Variants in SPTBN4 observed in about 807,000 individuals in gnomAD.
SPTBN4 encodes spectrin beta chain, non-erythrocytic 4.
SPTBN4 carries 96 observed loss-of-function variants against 277.8 expected under a neutral mutation model. That is an observed-to-expected ratio of 0.35 (90% confidence interval 0.29 to 0.41). The LOEUF (loss-of-function observed/expected upper bound fraction) is 0.41, where lower values mean the gene tolerates loss of function less well. Among genes scored for constraint, SPTBN4 ranks in the 10% least tolerant of loss-of-function variants. The pLI, the probability that SPTBN4 is intolerant of heterozygous loss-of-function variation, is 1.00. For missense variants in SPTBN4, 3,006 were observed against 3,595.7 expected (o/e 0.84, Z 4.19); for synonymous variants, 1,481 against 1,580.3 (o/e 0.94, Z 1.49).
intron 16 of SPTBN4, among the ~76,000 whole-genome samples, chr19:40,522,900 G>A (rs2080544947): frequency 6.6e-6 from 1 of 151,998 alleles, no homozygotes; most frequent in Non-Finnish European, 1.5e-5. Flanking sequence ...GGGAGTCCAA[G>A]GCAGGTGGAT....
intron 30 of SPTBN4, among the ~76,000 whole-genome samples, chr19:40,567,386 A>G (rs1211708878): frequency 1.3e-5 from 2 of 152,124 alleles, no homozygotes; most frequent in Non-Finnish European, 2.9e-5. Context: ...GGAAGGAGAA[A>G]TGGGAGTCAG....
chr19:40,565,312 AGGT>A, intron 27 of SPTBN4, 108 bp from the exon 28 acceptor site: 1 of 1,259,750 alleles, frequency 7.9e-7, no homozygotes, highest in Non-Finnish European at 1.1e-6. Flanking sequence ...AAGTGTCTTG[AGGT>A]GGTATGGGAT....
At chr19:40,530,715 GCCGGGCAGGC>G in intron 18 of SPTBN4, 1 of 334,868 alleles carries the variant, frequency 3.0e-6, no homozygotes, top group Non-Finnish European at 4.2e-6. Flanking sequence ...GCGGGGGCGG[GCCGGGCAGGC>G]GCCCGGACCC....
chr19:40,537,568 A>G (rs902194552), intron 20 of SPTBN4, among the ~76,000 whole-genome samples: 2 of 152,150 alleles, frequency 1.3e-5, no homozygotes, highest in Non-Finnish European at 2.9e-5. Flanking sequence ...GATGTACACA[A>G]TGTGCTGGGC....
intron 18 of SPTBN4, chr19:40,530,691 A>T: frequency 7.1e-4 from 206 of 289,974 alleles, no homozygotes; most frequent in Non-Finnish European, 8.3e-4. Flanking sequence ...CGCGGGAGGG[A>T]GGGGCGGGGC....
chr19:40,502,514 C>A lies in SPTBN4; in HGVS notation c.1203+7C>A. On this transcript the variant is annotated splice_region_variant and intron_variant, in intron 10 of 35. Transcript: ENST00000598249. This position sits in a 1 kb window ranked among gnomAD's most constrained non-coding sequence, Gnocchi z 4.9. ...CATCTGGGATATTGACAAGGTGAGG[C>A]CGGGGATGCAGGGGAGAGGCGGGGT... is the stretch of plus-strand genomic sequence containing the variant. 1 of 1,607,788 alleles carries A rather than the reference C, an allele frequency of 6.2e-7. No individual in the cohort carries two copies.
At chr19:40,527,274 T>C (rs1178492406) in intron 17 of SPTBN4, among the ~76,000 whole-genome samples, 2 of 152,228 alleles carry the variant, frequency 1.3e-5, no homozygotes, top group Non-Finnish European at 2.9e-5. Context: ...GATACTGTAC[T>C]TTTGTTTCTC....
At chr19:40,478,264 T>C (rs2079970710) in intron 2 of SPTBN4, among the ~76,000 whole-genome samples, 1 of 152,026 alleles carries the variant, frequency 6.6e-6, no homozygotes, top group African/African-American at 2.4e-5. Context: ...CTCCAAATCT[T>C]AGAACCATGC....
In SPTBN4 at chr19:40,501,844, C is replaced by T. The variant is rs45533937; in HGVS notation, c.785-77C>T. 5.3e-3 allele frequency: 6,586 copies of T among 1,232,790 alleles called. 44 individuals are homozygous for T. Among genetic ancestry groups the T allele is most frequent in the Middle Eastern group, 0.013 (65 of 5,154 alleles). 76.4% of individuals were successfully genotyped at this position (1,232,790 alleles called of 1,614,324 possible). A position where few individuals can be genotyped will look rare whatever the true frequency, so the allele number is the denominator to read the frequency against. ...ACACAGCTAGTGAGAGTGGCTTCTC[C>T]ATCCCTCCATCCAATACCTTCAAGC... On this transcript the variant is annotated intron_variant, in intron 7 of 35. Coordinates refer to ENST00000598249, the MANE Select transcript of SPTBN4 (RefSeq NM_020971.3).
intron 1 of SPTBN4, among the ~76,000 whole-genome samples, chr19:40,469,052 T>C (rs1452846730): frequency 1.3e-5 from 2 of 152,002 alleles, no homozygotes; most frequent in Non-Finnish European, 2.9e-5. Context: ...GGAGCTATGA[T>C]TGTGTCACTG....
intron 35 of SPTBN4, among the ~76,000 whole-genome samples, chr19:40,574,187 G>A (rs998460923): frequency 1.3e-5 from 2 of 152,160 alleles, no homozygotes; most frequent in East Asian, 1.9e-4. Flanking sequence ...AGCCCAGGCC[G>A]CGGCCAGGGC....
chr19:40,493,543 G>T (rs777329334), intron 5 of SPTBN4, among the ~76,000 whole-genome samples: 6 of 152,000 alleles, frequency 3.9e-5, no homozygotes, highest in South Asian at 2.1e-4. Context: ...GGTTTTTTTT[G>T]TTGTTGTTGT....
rs1179015072 is a variant in SPTBN4 at position 40,490,260 on chromosome 19, G to C, written c.495+12G>C. 1 of 1,610,624 alleles carries C rather than the reference G, an allele frequency of 6.2e-7. No individual in the cohort carries two copies. ...TCCTGCGCTTCCAGGTGACCCTCGA[G>C]TGGCCCCTGCCAAGCCCCGCAACAT... On this transcript the variant is annotated intron_variant, in intron 4 of 35. Transcript: ENST00000598249. This position sits in a 1 kb window ranked among gnomAD's most constrained non-coding sequence, Gnocchi z 4.3.
At chr19:40,566,495 G>C in intron 30 of SPTBN4, 136 bp downstream of exon 30, 3 of 762,316 alleles carry the variant, frequency 3.9e-6, no homozygotes, top group Non-Finnish European at 5.7e-6. Context: ...ACTCTTGCTA[G>C]GCTCCCAGTG....
chr19:40,544,827 A>AT (rs2080841924), intron 20 of SPTBN4, among the ~76,000 whole-genome samples: 2 of 150,460 alleles, frequency 1.3e-5, no homozygotes, highest in Admixed American at 6.6e-5. Flanking sequence ...ACTCTTTTTT[A>AT]TTTTTTATTT....
rs184895775 is a variant in SPTBN4 at position 40,538,448 on chromosome 19, C to G, written c.4359+4105C>G. The stretch of plus-strand genomic sequence containing the variant: ...CGGCAGCCAGACCATGGCACCATAG[C>G]AGGGAAGAGCTGGGGAGATAATACC... On this transcript the variant is annotated intron_variant, in intron 20 of 35. Transcript: ENST00000598249. Among the ~76,000 whole-genome samples, 1,027 of 152,024 alleles carry G rather than the reference C, an allele frequency of 6.8e-3. 15 individuals carry two copies. The highest frequency in any genetic ancestry group is 0.011 in the Non-Finnish European group (718 of 67,956).
chr19:40,530,006 TGCCCCCCTCCCCCATAACTGGGGTAG>T (rs1266938674), intron 18 of SPTBN4, among the ~76,000 whole-genome samples: 1 of 152,102 alleles, frequency 6.6e-6, no homozygotes. Context: ...CTCCATACCG[TGCCCCCCTCCCCCATAACTGGGGTAG>T]GCCGGGACTT....
Position 40,513,410 on chromosome 19 carries a change from G to C in SPTBN4, c.2621G>C (p.Arg874Pro), listed in dbSNP as rs1160914268. The C allele has an allele frequency of 6.2e-7, 1 of 1,604,668 alleles. No individual in the cohort carries two copies. Among genetic ancestry groups the C allele is most frequent in the Admixed American group, 1.7e-5 (1 of 59,092 alleles). Residue 874 changes from arginine (R) to proline (P), a missense_variant, in exon 14 of 36, where the codon CGC becomes CCC. Physicochemically the swap from Arg to Pro is moderately radical, Grantham distance 103. Around this residue, in one of 5 missense-constraint regions of SPTBN4, gnomAD observed 1,759 missense variants for 2,061.5 expected, o/e 0.85. Transcript: ENST00000598249. The stretch of plus-strand genomic sequence containing the variant: ...GTGACCGAAGTGGCGGCGCTGAGGC[G>C]CCAGTGGCTGCGGGACGCGCTCGCT... ...AEVTEVAALR[R>P]QWLRDALAVY...
chr19:40,551,031 G>C (rs536785004), intron 22 of SPTBN4, among the ~76,000 whole-genome samples: 1 of 152,258 alleles, frequency 6.6e-6, no homozygotes, highest in South Asian at 2.1e-4. Flanking sequence ...TGATGGATGG[G>C]GTTTCGGACT....
Sources: allele counts gnomAD v4.1 joint callset (sites outside exome capture counted in the v4.1 genomes callset), GRCh38; gene constraint gnomAD v4.1.1; regional missense constraint gnomAD v4.1.1; non-coding constraint Gnocchi (gnomAD v3.1); transcripts MANE v1.5; gene names NCBI Gene and HGNC (gene_info 2026-07-23, HGNC 2026-07-21).